TAF2: variants seen among roughly 807,000 people sequenced by gnomAD.
TAF2 encodes TATA-box binding protein associated factor 2.
TAF2 carries 61 observed loss-of-function variants against 138.5 expected under a neutral mutation model. The observed-to-expected ratio is 0.44, with a 90% CI of 0.36 to 0.54. TAF2 has a LOEUF of 0.54. TAF2 is among the 20% of genes least tolerant of loss of function. The pLI is 0.00. For missense variants in TAF2, 1,090 were observed against 1,427.9 expected, an observed-to-expected ratio of 0.76 and a Z score of 3.81; for synonymous variants, 475 against 469.9, an observed-to-expected ratio of 1.01 and a Z score of -0.14.
At chr8:119,809,704 G>A (rs1316945305) in intron 3 of TAF2, among the ~76,000 whole-genome samples, 1 of 152,164 alleles carries the variant, frequency 6.6e-6, no homozygotes, top group Non-Finnish European at 1.5e-5. Flanking sequence ...GCCCGAGGAA[G>A]GGGACAGAGA....
chr8:119,783,733 T>C lies in TAF2; in HGVS notation c.1860-100A>G, dbSNP rs1242190282. 6 of 1,411,486 alleles carry C rather than the reference T, an allele frequency of 4.3e-6. No homozygotes were observed. The East Asian group carries it at 1.3e-4, about 29-fold the overall frequency. The allele number at this position is 1,411,486 out of a possible 1,614,324, so 87.4% of individuals were successfully genotyped here. On this transcript the variant is annotated intron_variant, in intron 15 of 25. Transcript: ENST00000378164. ...AGCATTTATTTACCAGGTTTCCTTTTAGATGTAGTATTCAAGACTGCCTGG... is the reference window on the plus strand; with the variant it reads ...AGCATTTATTTACCAGGTTTCCTTTCAGATGTAGTATTCAAGACTGCCTGG...
At chr8:119,788,690 A>G in intron 13 of TAF2, 100 bp downstream of exon 13, 1 of 926,292 alleles carries the variant, frequency 1.1e-6, no homozygotes, top group Non-Finnish European at 1.8e-6. Context: ...CACTTCAAAC[A>G]AAATCTCATT....
At chr8:119,805,855 G>GGTTAATTTACAATTTTGACATC (rs1341675017) in intron 4 of TAF2, among the ~76,000 whole-genome samples, 16 of 151,632 alleles carry the variant, frequency 1.1e-4, no homozygotes, top group Non-Finnish European at 7.4e-5. Context: ...TATTTCAACT[G>GGTTAATTTACAATTTTGACATC]GTTAATTTAC....
At chr8:119,793,285 GA>G in intron 10 of TAF2, 80 bp downstream of exon 10, 1 of 1,210,638 alleles carries the variant, frequency 8.3e-7, no homozygotes, top group Non-Finnish European at 1.2e-6. Flanking sequence ...GAGGTACAAT[GA>G]AATACTATTT....
intron 3 of TAF2, among the ~76,000 whole-genome samples, chr8:119,807,871 G>A (rs1260705652): frequency 6.6e-6 from 1 of 152,154 alleles, no homozygotes; most frequent in African/African-American, 2.4e-5. Flanking sequence ...GCAGTGAGCT[G>A]AGATTGCACC....
intron 11 of TAF2, 149 bp from the exon 12 acceptor site, chr8:119,789,895 G>A (rs1823298608): frequency 2.5e-6 from 2 of 792,122 alleles, no homozygotes; most frequent in Non-Finnish European, 2.0e-6. Flanking sequence ...AAGACTACTA[G>A]CAATAGAAAT....
chr8:119,737,543 C>T (rs1334031839), intron 25 of TAF2, among the ~76,000 whole-genome samples: 5 of 145,822 alleles, frequency 3.4e-5, no homozygotes, highest in African/African-American at 1.2e-4. Flanking sequence ...GAGTCTCACT[C>T]TGTCGCCCAG....
At chr8:119,831,911 A>G (rs2131280640) in intron 1 of TAF2, among the ~76,000 whole-genome samples, 180 bp from the exon 2 acceptor site, 1 of 152,310 alleles carries the variant, frequency 6.6e-6, no homozygotes, top group East Asian at 1.9e-4. Flanking sequence ...CTGTAATCCC[A>G]GCACTTTGGG....
At chr8:119,811,622 C>T (rs1049826910) in intron 3 of TAF2, among the ~76,000 whole-genome samples, 17 of 151,386 alleles carry the variant, frequency 1.1e-4, no homozygotes, top group African/African-American at 3.1e-4. Context: ...CTGGCTAACA[C>T]GGTGAAACCC....
At chr8:119,811,759 T>G (rs937840535) in intron 3 of TAF2, among the ~76,000 whole-genome samples, 3 of 126,164 alleles carry the variant, frequency 2.4e-5, no homozygotes, top group Non-Finnish European at 4.6e-5. Context: ...TGAGCCGGGA[T>G]AGCGCCACTG....
intron 1 of TAF2, among the ~76,000 whole-genome samples, chr8:119,831,948 C>G (rs1826476361): frequency 6.6e-6 from 1 of 152,164 alleles, no homozygotes; most frequent in East Asian, 1.9e-4. Context: ...ATCACGAGGT[C>G]AAGAGTTCGA....
chr8:119,749,211 G>A (rs762254217), intron 22 of TAF2, among the ~76,000 whole-genome samples: 9 of 152,170 alleles, frequency 5.9e-5, no homozygotes, highest in Non-Finnish European at 1.0e-4. Flanking sequence ...CACAGTAAAG[G>A]CTGCTAAGTG....
chr8:119,776,069 A>C (rs1445054970), intron 18 of TAF2, among the ~76,000 whole-genome samples: 1 of 152,246 alleles, frequency 6.6e-6, no homozygotes, highest in Admixed American at 6.5e-5. Flanking sequence ...CTCATTAAAA[A>C]ATGTTGGACT....
At position 119,751,724 on chromosome 8, in the gene TAF2, A is replaced by G. The variant is rs545385259; in HGVS notation, c.2878+4282T>C. Among the ~76,000 whole-genome samples the G allele has an allele frequency of 2.6e-5, 4 of 152,360 alleles. No homozygotes were observed. The South Asian group carries it at 8.3e-4, about 32-fold the overall frequency. ...GTGAATTAATATGTGAAACCTTTAA[A>G]AACGACTGCCCCTGGCAAATGAGAT... On this transcript the variant is annotated intron_variant, in intron 22 of 25. Coordinates refer to ENST00000378164, the MANE Select transcript of TAF2 (RefSeq NM_003184.4).
intron 24 of TAF2, among the ~76,000 whole-genome samples, chr8:119,743,218 T>C (rs1204230788): frequency 6.6e-6 from 1 of 152,008 alleles, no homozygotes; most frequent in Non-Finnish European, 1.5e-5. Context: ...ACAACTTATA[T>C]ACCAATAAGA....
At chr8:119,812,543 G>C (rs1049687252) in intron 3 of TAF2, among the ~76,000 whole-genome samples, 1 of 152,008 alleles carries the variant, frequency 6.6e-6, no homozygotes, top group African/African-American at 2.4e-5. Flanking sequence ...CATACCCATA[G>C]CTTAGTCTCG....
chr8:119,813,858 G>A (rs1290488564), intron 3 of TAF2, among the ~76,000 whole-genome samples: 1 of 152,208 alleles, frequency 6.6e-6, no homozygotes, highest in Non-Finnish European at 1.5e-5. Context: ...GCTTATGCCT[G>A]TAATTGCAGC....
At position 119,781,056 on chromosome 8, in the gene TAF2, C is replaced by T. The variant is rs7002501; in HGVS notation, c.2250G>A (p.Gln750=). ...NFMSFQSYFL[Q]KTMPVAMALL... Reference sequence around the variant, plus strand: ...AAAATTAGAAAGTAAACTGTACCTTCTGTAGAAAATAGCTTTGAAAGCTCA... The same window carrying T: ...AAAATTAGAAAGTAAACTGTACCTTTTGTAGAAAATAGCTTTGAAAGCTCA... The change falls in exon 17 of 26, where the codon CAG becomes CAA. Residue 750 remains glutamine (Q), a synonymous_variant. Transcript: ENST00000378164. 0.25 allele frequency: 400,279 copies of T among 1,610,354 alleles called. 54,061 individuals are homozygous for T. The highest frequency in any genetic ancestry group is 0.48 in the African/African-American group (35,756 of 74,734).
At chr8:119,791,500 A>G (rs765826323) in intron 10 of TAF2, 41 bp from the exon 11 acceptor site, 1 of 1,586,810 alleles carries the variant, frequency 6.3e-7, no homozygotes, top group Admixed American at 1.8e-5. Context: ...AGCAAATGTG[A>G]CTATTAAATA....
Sources: allele counts gnomAD v4.1 joint callset (sites outside exome capture counted in the v4.1 genomes callset), GRCh38; gene constraint gnomAD v4.1.1; transcripts MANE v1.5; gene names NCBI Gene and HGNC (gene_info 2026-07-23, HGNC 2026-07-21).